The following DOCK3 variants were observed in gnomAD, a reference collection of about 807,000 sequenced individuals.
The protein encoded by DOCK3 is dedicator of cytokinesis 3, also known as dedicator of cytokinesis protein 3.
A neutral mutation model predicts 265.6 loss-of-function variants in DOCK3; 60 were observed. The ratio of observed to expected loss-of-function variants is 0.23; its 90% CI spans 0.18 to 0.28. DOCK3 has a LOEUF of 0.28. DOCK3 is among the 10% of genes least tolerant of loss of function. The pLI is 1.00. For missense variants in DOCK3, 1,981 were observed against 2,594.3 expected (o/e 0.76, Z 5.14); for synonymous variants, 881 against 938.0 (o/e 0.94, Z 1.11).
chr3:51,357,259 G>T, intron 44 of DOCK3, 118 bp downstream of exon 44: 1 of 1,184,640 alleles, frequency 8.4e-7, no homozygotes. Context: ...GCCCTCTCTT[G>T]ACATGGTCCT....
chr3:51,294,117 A>G (rs887806989), intron 27 of DOCK3, among the ~76,000 whole-genome samples: 4 of 152,204 alleles, frequency 2.6e-5, no homozygotes, highest in African/African-American at 9.6e-5. Context: ...TAAACTCAGT[A>G]TGTCAAAGAG....
chr3:50,902,075 T>G (rs1390623708), intron 4 of DOCK3, among the ~76,000 whole-genome samples: 1 of 152,192 alleles, frequency 6.6e-6, no homozygotes, highest in Non-Finnish European at 1.5e-5. Flanking sequence ...TGTGGTTGTT[T>G]GTTTTTTTCT....
intron 1 of DOCK3, among the ~76,000 whole-genome samples, chr3:50,698,510 GT>G (rs1449616463): frequency 1.1e-4 from 1 of 9,486 alleles, no homozygotes; most frequent in East Asian, 1.2e-3. Context: ...GTGGATGTAT[GT>G]TTTTGGTTTT....
intron 37 of DOCK3, among the ~76,000 whole-genome samples, chr3:51,340,523 A>G (rs1227651251): frequency 2.6e-5 from 4 of 152,242 alleles, no homozygotes; most frequent in Admixed American, 1.3e-4. Context: ...GAGATTCTTC[A>G]TAGTCATGGG....
At chr3:51,013,651 G>A (rs1352645147) in intron 5 of DOCK3, among the ~76,000 whole-genome samples, 1 of 152,188 alleles carries the variant, frequency 6.6e-6, no homozygotes, top group Non-Finnish European at 1.5e-5. Context: ...GTAGGCAGTC[G>A]GTCCGTTCTC....
intron 23 of DOCK3, among the ~76,000 whole-genome samples, chr3:51,265,261 C>G (rs2108810674): frequency 6.6e-6 from 1 of 152,308 alleles, no homozygotes; most frequent in Middle Eastern, 3.4e-3. Flanking sequence ...CAGCCAAATT[C>G]TACCAGAGGT....
At chr3:50,994,073 T>C (rs2078199279) in intron 5 of DOCK3, among the ~76,000 whole-genome samples, 1 of 152,134 alleles carries the variant, frequency 6.6e-6, no homozygotes, top group South Asian at 2.1e-4. Context: ...TCTGCTTCCG[T>C]AGCATTGATA....
chr3:51,223,622 A>G (rs1192395059), intron 14 of DOCK3, among the ~76,000 whole-genome samples: 2 of 152,196 alleles, frequency 1.3e-5, no homozygotes, highest in African/African-American at 2.4e-5. Context: ...TATTACTTAA[A>G]TTCCATAGGA....
Position 50,847,831 on chromosome 3 carries a change from C to T in DOCK3, c.162+6116C>T, listed in dbSNP as rs9837719. On this transcript the variant is annotated intron_variant, in intron 3 of 52. Coordinates refer to ENST00000266037, the MANE Select transcript of DOCK3 (RefSeq NM_004947.5). ...CCCAGAGGCAGAGGTTGCAGTGAGC[C>T]GAGATTGTGCCACTGCACTCCAGCC... is the stretch of plus-strand genomic sequence containing the variant. Among the ~76,000 whole-genome samples, 593 of 125,688 alleles carry T rather than the reference C, an allele frequency of 4.7e-3. 6 individuals are homozygous for T. Among genetic ancestry groups the T allele is most frequent in the African/African-American group, 0.017 (569 of 32,870 alleles). 82.5% of individuals were successfully genotyped at this position (125,688 alleles called of 152,430 possible). A position where few individuals can be genotyped will look rare whatever the true frequency, so the allele number is the denominator to read the frequency against.
chr3:51,319,886 C>CA (rs2083587283), intron 32 of DOCK3, among the ~76,000 whole-genome samples: 1 of 151,536 alleles, frequency 6.6e-6, no homozygotes, highest in African/African-American at 2.4e-5. Context: ...ACAACAACAA[C>CA]AAAAAAACGC....
intron 30 of DOCK3, 83 bp from the exon 31 acceptor site, chr3:51,312,761 G>A: frequency 2.8e-6 from 4 of 1,427,520 alleles, no homozygotes; most frequent in Non-Finnish European, 3.9e-6. Context: ...AAACAGTGCT[G>A]AAGTCCTGGC....
intron 5 of DOCK3, 60 bp downstream of exon 5, chr3:50,934,137 T>G (rs2051226932): frequency 8.5e-7 from 1 of 1,178,596 alleles, no homozygotes; most frequent in African/African-American, 1.5e-5. Context: ...AGTAAAAATA[T>G]TAAACTATGC....
At position 51,341,244 on chromosome 3, in the gene DOCK3, A is replaced by G; in HGVS notation, c.3774A>G (p.Ala1258=). ...HLQAENYTEA[A]FTLLLYCELL... is the part of the protein sequence containing the mutation. ...TGCTGTCTGTCCCCACAGAGGCCGC[A>G]TTTACCCTGCTCCTTTACTGTGAGC... Residue 1258 remains alanine (A), a synonymous_variant, in exon 38 of 53, where the codon GCA becomes GCG. Transcript: ENST00000266037. 1 of 1,581,952 alleles carries G rather than the reference A, an allele frequency of 6.3e-7. No individual in the cohort carries two copies. The highest frequency in any genetic ancestry group is 8.6e-7 in the Non-Finnish European group (1 of 1,163,402).
At chr3:50,830,265 TG>T (rs1007740023) in intron 2 of DOCK3, among the ~76,000 whole-genome samples, 22 of 152,264 alleles carry the variant, frequency 1.4e-4, no homozygotes, top group Admixed American at 1.2e-3. Context: ...AATTTACAAT[TG>T]GTTGCTTAAA....
chr3:50,766,296 C>G (rs563551575), intron 1 of DOCK3, among the ~76,000 whole-genome samples: 1 of 139,054 alleles, frequency 7.2e-6, no homozygotes, highest in Non-Finnish European at 1.5e-5. Context: ...CAACAGGCCC[C>G]GGTGTGTGAT....
chr3:50,927,311 T>C (rs1473754638), intron 4 of DOCK3, among the ~76,000 whole-genome samples: 2 of 152,164 alleles, frequency 1.3e-5, no homozygotes, highest in Admixed American at 6.5e-5. Context: ...GGTTAGTGGG[T>C]ACCGAAATAC....
At chr3:50,716,310 G>A (rs1265582889) in intron 1 of DOCK3, among the ~76,000 whole-genome samples, 3 of 152,012 alleles carry the variant, frequency 2.0e-5, no homozygotes, top group South Asian at 2.1e-4. Flanking sequence ...GGCGGATCAC[G>A]AAGTCAGGAG....
chr3:51,023,103 A>C (rs954433793), intron 5 of DOCK3, among the ~76,000 whole-genome samples: 1 of 152,184 alleles, frequency 6.6e-6, no homozygotes, highest in Non-Finnish European at 1.5e-5. Context: ...ATCTCTAACA[A>C]CGCCAAGGAA....
At chr3:51,110,744 A>G (rs1647349022) in intron 9 of DOCK3, among the ~76,000 whole-genome samples, 1 of 152,212 alleles carries the variant, frequency 6.6e-6, no homozygotes, top group Non-Finnish European at 1.5e-5. Context: ...TGAATAGACA[A>G]AAGTTGGAAG....
Sources: gnomAD v4.1 joint callset for allele counts (sites outside exome capture counted in the v4.1 genomes callset) on GRCh38, gnomAD v4.1.1 for gene constraint, MANE v1.5 for transcripts, NCBI Gene and HGNC (gene_info 2026-07-23, HGNC 2026-07-21) for gene names.